The following CCSER1 variants were observed in gnomAD, a reference collection of about 807,000 sequenced individuals.
CCSER1 encodes coiled-coil serine rich protein 1.
CCSER1 carries 41 observed loss-of-function variants against 82.0 expected under a neutral mutation model. The observed-to-expected ratio is 0.50, with a 90% CI of 0.39 to 0.65. The LOEUF (loss-of-function observed/expected upper bound fraction) is 0.65, where lower values mean the gene tolerates loss of function less well. Ranked by LOEUF, CCSER1 falls within the 30% of genes least tolerant of loss-of-function variation. The pLI is 0.00. For missense variants in CCSER1, 1,119 were observed against 1,064.2 expected, an observed-to-expected ratio of 1.05 and a Z score of -0.72; for synonymous variants, 414 against 383.9, an observed-to-expected ratio of 1.08 and a Z score of -0.92.
In CCSER1 at chr4:90,833,811, C is replaced by T. The variant is rs145334441; in HGVS notation, c.2094+17966C>T. 7.9e-5 allele frequency among the ~76,000 whole-genome samples: 12 copies of T among 152,204 alleles called. No homozygotes were observed. In the East Asian group the frequency reaches 2.3e-3, roughly 29 times the overall value. On this transcript the variant is annotated intron_variant, in intron 8 of 10. Coordinates refer to ENST00000509176, the MANE Select transcript of CCSER1 (RefSeq NM_001145065.2). The stretch of plus-strand genomic sequence containing the variant: ...AACTTTGTTGGGAGCTGAGGCCTAC[C>T]CTCCTCCCAACAGCTGGTCTTCACC...
chr4:91,600,269 T>C lies in CCSER1; in HGVS notation c.*1212T>C, dbSNP rs1449092842. Reference sequence around the variant, plus strand: ...TGTGCACTTTAGATCAATATATGAATTGATCTATGGATAATTCCATCATGT... The same window carrying C: ...TGTGCACTTTAGATCAATATATGAACTGATCTATGGATAATTCCATCATGT... On this transcript the variant is annotated 3_prime_UTR_variant, in exon 11 of 11. Coordinates refer to ENST00000509176, the MANE Select transcript of CCSER1 (RefSeq NM_001145065.2). The C allele has an allele frequency of 2.0e-5, 3 of 152,148 alleles. No homozygotes were observed. The highest frequency in any genetic ancestry group is 7.2e-5 in the African/African-American group (3 of 41,438). 9.4% of individuals were successfully genotyped at this position (152,148 alleles called of 1,614,324 possible).
In CCSER1 at chr4:91,027,820, G is replaced by C. The variant is rs115761270; in HGVS notation, c.2173-58130G>C. ...GGACCTGTGTTTAGTCCTGGAAAGA[G>C]TCAATATACATGTCAAACCACATAC... is the stretch of plus-strand genomic sequence containing the variant. On this transcript the variant is annotated intron_variant, in intron 9 of 10. Transcript: ENST00000509176. Among the ~76,000 whole-genome samples the C allele has an allele frequency of 4.0e-3, 612 of 152,138 alleles. 6 individuals are homozygous for C. The highest frequency in any genetic ancestry group is 0.014 in the African/African-American group (588 of 41,544).
At chr4:90,881,492 C>A (rs532295936) in intron 8 of CCSER1, among the ~76,000 whole-genome samples, 19 of 152,268 alleles carry the variant, frequency 1.2e-4, no homozygotes, top group Non-Finnish European at 2.5e-4. Flanking sequence ...ACACACACTG[C>A]CAGATGTGGT....
rs1167814038 is a variant in CCSER1 at position 91,402,966 on chromosome 4, A to C, written c.2218-195606A>C. 4.6e-5 allele frequency among the ~76,000 whole-genome samples: 7 copies of C among 152,264 alleles called. No homozygotes were observed. In the East Asian group the frequency reaches 1.4e-3, roughly 29 times the overall value. ...GGTAGCTTGATGCGGATGGCATTGA[A>C]TCTATAAATTACCTTGGGCAGTATG... On this transcript the variant is annotated intron_variant, in intron 10 of 10. Coordinates refer to ENST00000509176, the MANE Select transcript of CCSER1 (RefSeq NM_001145065.2).
At chr4:91,430,657 TG>T (rs1754244904) in intron 10 of CCSER1, among the ~76,000 whole-genome samples, 1 of 152,208 alleles carries the variant, frequency 6.6e-6, no homozygotes, top group Non-Finnish European at 1.5e-5. Flanking sequence ...AATGGACACA[TG>T]GCAAAACAAA....
chr4:90,511,852 C>A (rs1198621628), intron 5 of CCSER1, among the ~76,000 whole-genome samples: 1 of 152,018 alleles, frequency 6.6e-6, no homozygotes, highest in East Asian at 1.9e-4. Flanking sequence ...GATGGCTTAA[C>A]CACAAAGAAC....
At chr4:90,493,389 A>G (rs572496261) in intron 5 of CCSER1, among the ~76,000 whole-genome samples, 1 of 152,310 alleles carries the variant, frequency 6.6e-6, no homozygotes, top group Admixed American at 6.5e-5. Flanking sequence ...GCAGGCCAAC[A>G]TTCAAGTTCA....
At chr4:90,341,846 A>T (rs1741434862) in intron 3 of CCSER1, among the ~76,000 whole-genome samples, 1 of 152,208 alleles carries the variant, frequency 6.6e-6, no homozygotes, top group Non-Finnish European at 1.5e-5. Flanking sequence ...AAAAATAGAA[A>T]GAACCTTAAG....
At chr4:90,788,065 C>T (rs905630242) in intron 7 of CCSER1, among the ~76,000 whole-genome samples, 6 of 152,054 alleles carry the variant, frequency 3.9e-5, no homozygotes, top group African/African-American at 1.4e-4. Context: ...AAACCTATTA[C>T]TATTATATTA....
At chr4:91,303,698 G>A (rs773463694) in intron 10 of CCSER1, among the ~76,000 whole-genome samples, 1 of 151,874 alleles carries the variant, frequency 6.6e-6, no homozygotes, top group Non-Finnish European at 1.5e-5. Context: ...GAGATGCTGA[G>A]GTGGGAGGAT....
At chr4:91,344,957 A>T (rs1466751667) in intron 10 of CCSER1, among the ~76,000 whole-genome samples, 1 of 152,234 alleles carries the variant, frequency 6.6e-6, no homozygotes, top group African/African-American at 2.4e-5. Context: ...GTATGTGCCA[A>T]CTTAAGTAGA....
At chr4:90,745,830 C>G (rs1191705507) in intron 7 of CCSER1, among the ~76,000 whole-genome samples, 1 of 151,732 alleles carries the variant, frequency 6.6e-6, no homozygotes, top group Non-Finnish European at 1.5e-5. Flanking sequence ...GCTGGGACTA[C>G]AGGCGCCCGC....
At chr4:91,359,421 G>T (rs1241057177) in intron 10 of CCSER1, among the ~76,000 whole-genome samples, 1 of 151,858 alleles carries the variant, frequency 6.6e-6, no homozygotes, top group Middle Eastern at 3.4e-3. Flanking sequence ...ATATGAGAGG[G>T]TCTCTCTCTT....
intron 9 of CCSER1, among the ~76,000 whole-genome samples, chr4:91,052,299 AG>A (rs1281917428): frequency 6.6e-6 from 1 of 152,126 alleles, no homozygotes; most frequent in African/African-American, 2.4e-5. Context: ...CTCGGATATC[AG>A]GATAGAAATT....
chr4:90,424,618 A>G (rs1040754211), intron 4 of CCSER1, among the ~76,000 whole-genome samples: 2 of 152,154 alleles, frequency 1.3e-5, no homozygotes, highest in Non-Finnish European at 2.9e-5. Context: ...TTTGATTACT[A>G]AGAATTACAT....
At chr4:91,556,778 T>C (rs1762427948) in intron 10 of CCSER1, among the ~76,000 whole-genome samples, 1 of 151,094 alleles carries the variant, frequency 6.6e-6, no homozygotes, top group South Asian at 2.1e-4. Context: ...AAATAATTTA[T>C]ATAATTGGTG....
chr4:90,522,807 T>A (rs574344848), intron 5 of CCSER1, among the ~76,000 whole-genome samples: 1 of 152,312 alleles, frequency 6.6e-6, no homozygotes, highest in South Asian at 2.1e-4. Context: ...TATTTTTTGT[T>A]GAAATTATGA....
At chr4:90,231,709 A>G (rs1744589796) in intron 1 of CCSER1, among the ~76,000 whole-genome samples, 1 of 152,114 alleles carries the variant, frequency 6.6e-6, no homozygotes, top group Admixed American at 6.5e-5. Context: ...ACATGATTGT[A>G]TGTCTAGAAA....
In CCSER1 at chr4:91,394,976, A is replaced by G. The variant is rs369842105; in HGVS notation, c.2218-203596A>G. On this transcript the variant is annotated intron_variant, in intron 10 of 10. Transcript: ENST00000509176. Reference sequence around the variant, plus strand: ...TTTAAATTCAATAGAACTATTAAAAATAGGCATTATAATAGAATTAATGCA... The same window carrying G: ...TTTAAATTCAATAGAACTATTAAAAGTAGGCATTATAATAGAATTAATGCA... Among the ~76,000 whole-genome samples the G allele has an allele frequency of 2.2e-4, 33 of 152,264 alleles. No homozygotes were observed. The East Asian group carries it at 5.8e-3, about 27-fold the overall frequency.
Sources: gnomAD v4.1 joint callset for allele counts (sites outside exome capture counted in the v4.1 genomes callset) on GRCh38, gnomAD v4.1.1 for gene constraint, MANE v1.5 for transcripts, NCBI Gene and HGNC (gene_info 2026-07-23, HGNC 2026-07-21) for gene names.